Variants in CEP128 observed in about 807,000 individuals in gnomAD.
CEP128 encodes centrosomal protein 128.
In CEP128, 132 loss-of-function variants were observed where a neutral mutation model predicts 156.7. The observed-to-expected ratio is 0.84, with a 90% confidence interval of 0.73 to 0.97. The LOEUF is 0.97. CEP128 is among the 50% of genes least tolerant of loss of function. The probability of loss-of-function intolerance (pLI) is 0.00; values close to 1 mark genes in which losing one functional copy is unlikely to be tolerated. For missense variants in CEP128, 1,252 were observed against 1,281.9 expected, an observed-to-expected ratio of 0.98 and a Z score of 0.36; for synonymous variants, 469 against 448.9, an observed-to-expected ratio of 1.04 and a Z score of -0.57.
chr14:80,802,486 T>C (rs1025637746), intron 13 of CEP128, among the ~76,000 whole-genome samples: 2 of 147,244 alleles, frequency 1.4e-5, no homozygotes, highest in Admixed American at 1.4e-4. Context: ...GAGTTGAACA[T>C]TGAGAACACA....
At position 80,904,933 on chromosome 14, in the gene CEP128, T is replaced by G. The variant is rs1883798255; in HGVS notation, c.362-2A>C. 6.6e-7 allele frequency: 1 copy of G among 1,511,488 alleles called. No homozygotes were observed. Among genetic ancestry groups the G allele is most frequent in the Non-Finnish European group, 9.2e-7 (1 of 1,086,438 alleles). The allele number at this position is 1,511,488 out of a possible 1,614,324, so 93.6% of individuals were successfully genotyped here. A position where few individuals can be genotyped will look rare whatever the true frequency, so the allele number is the denominator to read the frequency against. On this transcript the variant is annotated splice_acceptor_variant, in intron 5 of 24. Transcript: ENST00000555265. LOFTEE classifies it high-confidence loss of function. Reference sequence around the variant, plus strand: ...AGGTAGGTGGAAAATGATGGAGCTCTTCACAAGTGAAAGAAAAGGGAAGGT... The same window carrying G: ...AGGTAGGTGGAAAATGATGGAGCTCGTCACAAGTGAAAGAAAAGGGAAGGT...
intron 18 of CEP128, among the ~76,000 whole-genome samples, chr14:80,750,316 T>C (rs907502338): frequency 2.0e-5 from 3 of 152,332 alleles, no homozygotes; most frequent in African/African-American, 4.8e-5. Flanking sequence ...CAAATCATAG[T>C]GTAGTTGCCC....
chr14:80,639,440 T>C (rs1422649680), intron 19 of CEP128, among the ~76,000 whole-genome samples: 3 of 152,074 alleles, frequency 2.0e-5, no homozygotes, highest in Non-Finnish European at 4.4e-5. Flanking sequence ...AAGAGTAAAA[T>C]AAAAATTTAA....
At chr14:80,764,970 A>G (rs998244694) in intron 16 of CEP128, among the ~76,000 whole-genome samples, 7 of 152,192 alleles carry the variant, frequency 4.6e-5, no homozygotes, top group African/African-American at 1.7e-4. Context: ...CTTCCACACC[A>G]TACTTCAGCA....
intron 4 of CEP128, among the ~76,000 whole-genome samples, chr14:80,910,091 T>C (rs904791445): frequency 1.2e-4 from 19 of 152,176 alleles, no homozygotes; most frequent in African/African-American, 4.6e-4. Flanking sequence ...CACTTTCCCC[T>C]ATATGAAATA....
chr14:80,541,873 C>A (rs1041827545), intron 21 of CEP128, among the ~76,000 whole-genome samples: 5 of 152,314 alleles, frequency 3.3e-5, no homozygotes, highest in Non-Finnish European at 5.9e-5. Flanking sequence ...GCTCTTGAGG[C>A]AGTCTACCTG....
At chr14:80,780,543 A>G (rs2139783790) in intron 15 of CEP128, among the ~76,000 whole-genome samples, 1 of 152,338 alleles carries the variant, frequency 6.6e-6, no homozygotes, top group South Asian at 2.1e-4. Flanking sequence ...AATTTAAAAA[A>G]AAAAGAAAAG....
At chr14:80,527,175 T>A (rs1430653227) in intron 22 of CEP128, 193 bp from the exon 23 acceptor site, 1 of 562,044 alleles carries the variant, frequency 1.8e-6, no homozygotes, top group Non-Finnish European at 3.3e-6. Context: ...AAACCTGTAA[T>A]CCCAGCACTT....
At chr14:80,887,753 G>C (rs924883813) in intron 8 of CEP128, among the ~76,000 whole-genome samples, 2 of 152,060 alleles carry the variant, frequency 1.3e-5, no homozygotes, top group Non-Finnish European at 2.9e-5. Context: ...TCAAAAGCTA[G>C]GAGAAGACAA....
chr14:80,915,027 T>A (rs1884463968), intron 3 of CEP128, among the ~76,000 whole-genome samples: 1 of 152,186 alleles, frequency 6.6e-6, no homozygotes, highest in African/African-American at 2.4e-5. Flanking sequence ...TTACTTTACT[T>A]ACTTACATTT....
chr14:80,481,307 T>G (rs1408557324), intron 14 of CEP128, among the ~76,000 whole-genome samples: 1 of 152,154 alleles, frequency 6.6e-6, no homozygotes, highest in African/African-American at 2.4e-5. Flanking sequence ...CAGAAACCCC[T>G]GATAAACCCA....
At chr14:80,720,428 T>C (rs1042128119) in intron 19 of CEP128, among the ~76,000 whole-genome samples, 4 of 152,116 alleles carry the variant, frequency 2.6e-5, no homozygotes, top group Non-Finnish European at 4.4e-5. Flanking sequence ...GATAAGGAGA[T>C]ATTGTGTCAT....
chr14:80,742,999 T>G, intron 19 of CEP128, 76 bp downstream of exon 19: 2 of 1,282,148 alleles, frequency 1.6e-6, no homozygotes, highest in Non-Finnish European at 2.2e-6. Flanking sequence ...GCAACAGAAG[T>G]AGGTTTTTTT....
chr14:80,497,423 A>T lies in CEP128; in HGVS notation c.*56T>A. Reference sequence around the variant, plus strand: ...ATCTGGGCCAAATTGCTGTAAGAATAGAGATGTTATTATTTGTAACATACT... The same window carrying T: ...ATCTGGGCCAAATTGCTGTAAGAATTGAGATGTTATTATTTGTAACATACT... On this transcript the variant is annotated 3_prime_UTR_variant, in exon 25 of 25. Transcript: ENST00000555265. 1 of 1,188,930 alleles carries T rather than the reference A, an allele frequency of 8.4e-7. No individual in the cohort carries two copies. The highest frequency in any genetic ancestry group is 1.2e-6 in the Non-Finnish European group (1 of 808,948). 73.6% of individuals were successfully genotyped at this position (1,188,930 alleles called of 1,614,324 possible). A position where few individuals can be genotyped will look rare whatever the true frequency, so the allele number is the denominator to read the frequency against.
intron 21 of CEP128, among the ~76,000 whole-genome samples, chr14:80,538,454 A>G (rs1025029659): frequency 6.6e-6 from 1 of 152,194 alleles, no homozygotes; most frequent in African/African-American, 2.4e-5. Flanking sequence ...ACTTTTCCCC[A>G]CAATGCTATA....
intron 21 of CEP128, among the ~76,000 whole-genome samples, chr14:80,557,702 A>G (rs1405525027): frequency 6.6e-6 from 1 of 152,204 alleles, no homozygotes; most frequent in Non-Finnish European, 1.5e-5. Context: ...GGGTCTGGAC[A>G]TCGTCAATCA....
chr14:80,553,987 T>C (rs1890323669), intron 21 of CEP128, among the ~76,000 whole-genome samples: 1 of 152,202 alleles, frequency 6.6e-6, no homozygotes, highest in African/African-American at 2.4e-5. Context: ...GATTTACCCA[T>C]AGAATTTTTC....
rs116790212 is a variant in CEP128, at chr14:80,790,839, C to A, written c.1560+1921G>T. On this transcript the variant is annotated intron_variant, in intron 14 of 24. Coordinates refer to ENST00000555265, the MANE Select transcript of CEP128 (RefSeq NM_152446.5). ...TGGTGGTAGACACAGAACCATACTG[C>A]AAATATGAGGAGAGCATCATATGAT... Among the ~76,000 whole-genome samples the A allele has an allele frequency of 7.3e-3, 1,112 of 152,026 alleles. 16 individuals are homozygous for A. The highest frequency in any genetic ancestry group is 0.025 in the African/African-American group (1,037 of 41,478).
intron 19 of CEP128, among the ~76,000 whole-genome samples, chr14:80,678,835 T>C (rs1421929654): frequency 6.6e-6 from 1 of 152,172 alleles, no homozygotes; most frequent in African/African-American, 2.4e-5. Flanking sequence ...TGGGTCCATG[T>C]TGTGGGAAGT....
Sources: allele counts gnomAD v4.1 joint callset (sites outside exome capture counted in the v4.1 genomes callset), GRCh38; gene constraint gnomAD v4.1.1; transcripts MANE v1.5; gene names NCBI Gene and HGNC (gene_info 2026-07-23, HGNC 2026-07-21).